DLGAP2: variants seen among roughly 807,000 people sequenced by gnomAD.
The protein encoded by DLGAP2 is DLG associated protein 2, also known as disks large-associated protein 2.
In DLGAP2, 26 loss-of-function variants were observed where a neutral mutation model predicts 100.3. The observed-to-expected ratio is 0.26, with a 90% CI of 0.19 to 0.36. DLGAP2 has a LOEUF of 0.36. DLGAP2 is among the 10% of genes least tolerant of loss of function. The probability of loss-of-function intolerance (pLI) is 1.00; values close to 1 mark genes in which losing one functional copy is unlikely to be tolerated. For missense variants in DLGAP2, 1,858 were observed against 1,453.2 expected (o/e 1.28, Z -4.53); for synonymous variants, 886 against 630.1 (o/e 1.41, Z -6.08).
chr8:1,474,628 T>C (rs772002485), intron 3 of DLGAP2, among the ~76,000 whole-genome samples: 1 of 152,186 alleles, frequency 6.6e-6, no homozygotes, highest in South Asian at 2.1e-4. Flanking sequence ...GATAAAATGC[T>C]CATCATCAGT....
At chr8:840,563 G>A (rs1210640716) in intron 1 of DLGAP2, among the ~76,000 whole-genome samples, 99 of 65,944 alleles carry the variant, frequency 1.5e-3, no homozygotes, top group Middle Eastern at 0.01. Flanking sequence ...CTGCGAGCGC[G>A]TCCACACGGT....
At chr8:1,045,032 G>T (rs1416883865) in intron 2 of DLGAP2, among the ~76,000 whole-genome samples, 1 of 152,196 alleles carries the variant, frequency 6.6e-6, no homozygotes, top group East Asian at 1.9e-4. Flanking sequence ...CACATGATAA[G>T]TGAGCAGAGA....
At chr8:1,061,779 C>T (rs542612618) in intron 2 of DLGAP2, among the ~76,000 whole-genome samples, 1 of 152,018 alleles carries the variant, frequency 6.6e-6, no homozygotes, top group East Asian at 1.9e-4. Flanking sequence ...TTGCACTGAG[C>T]CATTTCCGTG....
chr8:1,012,082 T>C (rs577008589), intron 2 of DLGAP2, among the ~76,000 whole-genome samples: 1 of 152,318 alleles, frequency 6.6e-6, no homozygotes, highest in South Asian at 2.1e-4. Context: ...ATGGCCCGTG[T>C]CGCAGGAAGA....
At chr8:1,670,351 C>T (rs950061088) in intron 10 of DLGAP2, among the ~76,000 whole-genome samples, 2 of 152,244 alleles carry the variant, frequency 1.3e-5, no homozygotes, top group South Asian at 4.1e-4. Context: ...GTGGTCAGCC[C>T]TCTTCCGCTC....
chr8:1,411,135 C>G (rs1019300780), intron 3 of DLGAP2, among the ~76,000 whole-genome samples: 2 of 152,116 alleles, frequency 1.3e-5, no homozygotes, highest in African/African-American at 4.8e-5. Flanking sequence ...TCTGGAAACC[C>G]AACATCTCCT....
rs189522932 is a variant in DLGAP2, at chr8:1,188,016, C to T, written c.74-70835C>T. 3.3e-4 allele frequency among the ~76,000 whole-genome samples: 41 copies of T among 125,678 alleles called. 1 individual carries two copies. The East Asian group carries it at 5.4e-3, about 17-fold the overall frequency. The allele number at this position is 125,678 out of a possible 152,430, so 82.4% of individuals were successfully genotyped here. A position where few individuals can be genotyped will look rare whatever the true frequency, so the allele number is the denominator to read the frequency against. On this transcript the variant is annotated intron_variant, in intron 2 of 14. Transcript: ENST00000637795. ...GACGTTTGCCTCACGGAATCTCACACGCCCGGGACTTCCGTGATGTTTCCC... is the reference window on the plus strand; with the variant it reads ...GACGTTTGCCTCACGGAATCTCACATGCCCGGGACTTCCGTGATGTTTCCC...
At chr8:1,290,757 T>C (rs933719476) in intron 3 of DLGAP2, among the ~76,000 whole-genome samples, 1 of 152,244 alleles carries the variant, frequency 6.6e-6, no homozygotes, top group Non-Finnish European at 1.5e-5. Context: ...GCTAAAATGC[T>C]GCGTGCACAA....
intron 2 of DLGAP2, among the ~76,000 whole-genome samples, chr8:1,144,178 C>T (rs1288036335): frequency 6.6e-6 from 1 of 152,228 alleles, no homozygotes; most frequent in Admixed American, 6.5e-5. Context: ...GGAATGGCTT[C>T]CAGCGGGCGC....
chr8:1,052,596 G>A (rs1321500058), intron 2 of DLGAP2, among the ~76,000 whole-genome samples: 1 of 152,134 alleles, frequency 6.6e-6, no homozygotes, highest in Non-Finnish European at 1.5e-5. Flanking sequence ...TTTAGCTTTG[G>A]CCTCGAAAGA....
intron 3 of DLGAP2, among the ~76,000 whole-genome samples, chr8:1,408,574 G>A (rs1387936958): frequency 6.6e-6 from 1 of 152,220 alleles, no homozygotes; most frequent in Admixed American, 6.5e-5. Context: ...CACACACGGT[G>A]TTAACTGTTC....
chr8:958,835 G>A (rs933658873), intron 2 of DLGAP2, among the ~76,000 whole-genome samples: 3 of 152,204 alleles, frequency 2.0e-5, no homozygotes, highest in Non-Finnish European at 4.4e-5. Flanking sequence ...TACAGGAAAA[G>A]ATTTGATGAT....
intron 2 of DLGAP2, among the ~76,000 whole-genome samples, chr8:1,254,891 G>T (rs1391182731): frequency 6.6e-5 from 10 of 151,590 alleles, no homozygotes; most frequent in African/African-American, 2.4e-4. Flanking sequence ...CTGCCCGCGT[G>T]CTGTGTCTGT....
At chr8:1,387,914 G>T (rs978542638) in intron 3 of DLGAP2, among the ~76,000 whole-genome samples, 3 of 152,320 alleles carry the variant, frequency 2.0e-5, no homozygotes, top group East Asian at 3.9e-4. Context: ...TTCACCTGGG[G>T]GTCTGGAGCC....
intron 3 of DLGAP2, among the ~76,000 whole-genome samples, chr8:1,427,848 C>G (rs1485081648): frequency 6.6e-6 from 1 of 152,154 alleles, no homozygotes; most frequent in Non-Finnish European, 1.5e-5. Flanking sequence ...ATGTCTTTAT[C>G]AGCAGCATGA....
At chr8:905,903 G>A (rs888414589) in intron 1 of DLGAP2, among the ~76,000 whole-genome samples, 8 of 151,676 alleles carry the variant, frequency 5.3e-5, no homozygotes, top group Admixed American at 1.3e-4. Flanking sequence ...TGATAGAGAC[G>A]TGGCTGAGAC....
chr8:1,386,782 G>C (rs1198319394), intron 3 of DLGAP2, among the ~76,000 whole-genome samples: 1 of 151,998 alleles, frequency 6.6e-6, no homozygotes, highest in Non-Finnish European at 1.5e-5. Flanking sequence ...AAGAAGGTGA[G>C]ATCCAAAGAA....
At chr8:1,447,606 G>C (rs1798017291) in intron 3 of DLGAP2, among the ~76,000 whole-genome samples, 1 of 152,230 alleles carries the variant, frequency 6.6e-6, no homozygotes, top group South Asian at 2.1e-4. Context: ...CTCATAAAAT[G>C]AGTTTGTGAG....
chr8:799,084 C>G (rs1238859571), intron 1 of DLGAP2, among the ~76,000 whole-genome samples: 1 of 152,226 alleles, frequency 6.6e-6, no homozygotes, highest in Non-Finnish European at 1.5e-5. Flanking sequence ...CTCACTGCCT[C>G]TCACCCCACA....
Sources: gnomAD v4.1 joint callset for allele counts (sites outside exome capture counted in the v4.1 genomes callset) on GRCh38, gnomAD v4.1.1 for gene constraint, MANE v1.5 for transcripts, NCBI Gene and HGNC (gene_info 2026-07-23, HGNC 2026-07-21) for gene names.